The following SLC43A2 variants were observed in gnomAD, a reference collection of about 807,000 sequenced individuals.
SLC43A2 encodes solute carrier family 43 member 2.
Under a neutral mutation model 63.2 loss-of-function variants are expected in SLC43A2, and 38 were observed. That is an observed-to-expected ratio of 0.60 (90% confidence interval 0.46 to 0.79). The LOEUF (loss-of-function observed/expected upper bound fraction) is 0.79. Ranked by LOEUF, SLC43A2 falls within the 30% of genes least tolerant of loss-of-function variation. SLC43A2 has a pLI of 0.00. For missense variants in SLC43A2, 644 were observed against 756.2 expected, an observed-to-expected ratio of 0.85 and a Z score of 1.74; for synonymous variants, 322 against 331.0, an observed-to-expected ratio of 0.97 and a Z score of 0.30.
intron 13 of SLC43A2, 141 bp from the exon 14 acceptor site, chr17:1,575,906 T>C (rs1275181773): frequency 5.1e-6 from 5 of 974,562 alleles, no homozygotes; most frequent in South Asian, 1.7e-5. Flanking sequence ...CGAGGTCCCA[T>C]ATGCCAGCGT....
At chr17:1,604,172 C>T (rs1435931773) in intron 5 of SLC43A2, among the ~76,000 whole-genome samples, 1 of 138,432 alleles carries the variant, frequency 7.2e-6, no homozygotes, top group Non-Finnish European at 1.6e-5. Context: ...TCCCGAGTAG[C>T]TGGGATTACA....
At chr17:1,617,345 C>T (rs547655781) in intron 2 of SLC43A2, among the ~76,000 whole-genome samples, 112 of 152,330 alleles carry the variant, frequency 7.4e-4, no homozygotes, top group Middle Eastern at 6.8e-3. Context: ...AGTCCAGCTG[C>T]CTTCTCAAAC....
chr17:1,629,981 T>G (rs1232049310), upstream of SLC43A2, among the ~76,000 whole-genome samples: 1 of 152,186 alleles, frequency 6.6e-6, no homozygotes, highest in Non-Finnish European at 1.5e-5. Flanking sequence ...TGTCCACGTC[T>G]GGAATCCCAG....
intron 5 of SLC43A2, among the ~76,000 whole-genome samples, chr17:1,603,409 T>C (rs976274181): frequency 6.6e-6 from 1 of 152,080 alleles, no homozygotes; most frequent in African/African-American, 2.4e-5. Flanking sequence ...TTCAGAGAGG[T>C]TTCATTTGAC....
intron 13 of SLC43A2, 82 bp downstream of exon 13, chr17:1,576,515 A>G: frequency 6.8e-7 from 1 of 1,460,256 alleles, no homozygotes; most frequent in East Asian, 2.3e-5. Flanking sequence ...GGGGCCCTGA[A>G]GCCCCCGAGG....
At chr17:1,576,836 T>C in intron 12 of SLC43A2, 116 bp from the exon 13 acceptor site, 1 of 1,255,878 alleles carries the variant, frequency 8.0e-7, no homozygotes, top group Non-Finnish European at 1.1e-6. Context: ...GTGCCAGCCC[T>C]CGGATTCCTT....
chr17:1,622,064 A>G (rs917035197), intron 2 of SLC43A2, among the ~76,000 whole-genome samples: 5 of 152,334 alleles, frequency 3.3e-5, no homozygotes, highest in Admixed American at 2.6e-4. Flanking sequence ...TGTGAGGGAA[A>G]TGAGGTCACG....
At position 1,620,877 on chromosome 17, in the gene SLC43A2, G is replaced by A. The variant is rs1178906389; in HGVS notation, c.161-4108C>T. On this transcript the variant is annotated intron_variant, in intron 2 of 13. Transcript: ENST00000301335. ...TTAAGCACCCAGGAAGTGCCAAGGC[G>A]TGGGGTGGCCCTCTGCTCCCAGCCT... Among the ~76,000 whole-genome samples, 6 of 152,216 alleles carry A rather than the reference G, an allele frequency of 3.9e-5. No individual in the cohort carries two copies. In the East Asian group the frequency reaches 5.8e-4, roughly 15 times the overall value.
At position 1,616,584 on chromosome 17, in the gene SLC43A2, T is replaced by G. The variant is rs1249629620; in HGVS notation, c.346A>C (p.Arg116=). 1 of 1,613,186 alleles carries G rather than the reference T, an allele frequency of 6.2e-7. No homozygotes were observed. Among genetic ancestry groups the G allele is most frequent in the South Asian group, 1.1e-5 (1 of 90,892 alleles). ...LGIVMDKYGP[R]KLRLLGSACF... ...GACCTGCCCAGCAGCCTGAGCTTCC[T>G]CGGGCCATACTTGTCCATGACGATA... is the stretch of plus-strand genomic sequence containing the variant. The change falls in exon 3 of 14, where the codon AGG becomes CGG. Residue 116 remains arginine, a synonymous_variant. Coordinates refer to ENST00000301335, the MANE Select transcript of SLC43A2 (RefSeq NM_152346.3).
At chr17:1,619,364 A>T (rs1009192780) in intron 2 of SLC43A2, among the ~76,000 whole-genome samples, 1 of 152,200 alleles carries the variant, frequency 6.6e-6, no homozygotes, top group East Asian at 1.9e-4. Flanking sequence ...GGCCAAAAAG[A>T]TCGAGAGAGG....
Position 1,615,033 on chromosome 17 carries a change from C to A in SLC43A2, c.370G>T (p.Ala124Ser). Residue 124 changes from alanine to serine, a missense_variant and splice_region_variant, in exon 4 of 14, where the codon GCC becomes TCC. Physicochemically the swap from Ala to Ser is moderately conservative, Grantham distance 99. This residue lies in a region of SLC43A2 where 528 missense variants were observed against 623.6 expected (regional missense o/e 0.85). Coordinates refer to ENST00000301335, the MANE Select transcript of SLC43A2 (RefSeq NM_152346.3). ...AGCAAGCAGGAAACCGCGAAGCAGG[C>A]GCTAAAACCAAGCAGAAACGCAATG... ...GPRKLRLLGS[A>S]CFAVSCLLIA... is the part of the protein sequence containing the mutation. 4 of 1,613,908 alleles carry A rather than the reference C, an allele frequency of 2.5e-6. No homozygotes were observed. Among genetic ancestry groups the A allele is most frequent in the Non-Finnish European group, 3.4e-6 (4 of 1,179,930 alleles).
intron 2 of SLC43A2, among the ~76,000 whole-genome samples, chr17:1,623,443 C>T (rs1454887734): frequency 3.3e-5 from 5 of 152,172 alleles, no homozygotes; most frequent in African/African-American, 1.2e-4. Flanking sequence ...CCCAAACATA[C>T]CAGCATGTGG....
intron 9 of SLC43A2, among the ~76,000 whole-genome samples, chr17:1,588,128 G>A (rs933964381): frequency 3.3e-5 from 5 of 152,256 alleles, no homozygotes; most frequent in African/African-American, 7.2e-5. Flanking sequence ...GCTGGGCATC[G>A]TGGCTCACGC....
intron 5 of SLC43A2, among the ~76,000 whole-genome samples, chr17:1,602,765 T>G (rs1906178820): frequency 6.7e-6 from 1 of 150,372 alleles, no homozygotes; most frequent in African/African-American, 2.4e-5. Context: ...TCAGTTTTTT[T>G]TTTTTTTTTT....
intron 5 of SLC43A2, among the ~76,000 whole-genome samples, chr17:1,600,135 A>AATATATATATAT (rs546467041): frequency 1.7e-3 from 80 of 47,912 alleles, no homozygotes; most frequent in South Asian, 3.9e-3. Context: ...ATATTAATTG[A>AATATATATATAT]ATATATATAT....
In SLC43A2 at chr17:1,621,199, G is replaced by A. The variant is rs1438459065; in HGVS notation, c.161-4430C>T. Among the ~76,000 whole-genome samples the A allele has an allele frequency of 2.0e-5, 3 of 152,160 alleles. No individual in the cohort carries two copies. The South Asian group carries it at 6.2e-4, about 32-fold the overall frequency. ...ACAGAGGAATCAGGGAGAAAAGAGG[G>A]TGCTGTGGCCCCCCAGGCTCCCCTG... On this transcript the variant is annotated intron_variant, in intron 2 of 13. Coordinates refer to ENST00000301335, the MANE Select transcript of SLC43A2 (RefSeq NM_152346.3).
chr17:1,614,281 C>T (rs1479394842), intron 4 of SLC43A2, among the ~76,000 whole-genome samples: 3 of 151,704 alleles, frequency 2.0e-5, no homozygotes, highest in South Asian at 2.1e-4. Context: ...TGTGTGTGTG[C>T]GTGCCTGTAG....
chr17:1,616,471 T>C (rs1598489242), intron 3 of SLC43A2, 91 bp downstream of exon 3: 2 of 1,278,226 alleles, frequency 1.6e-6, no homozygotes, highest in Non-Finnish European at 2.2e-6. Context: ...GTACACCTGA[T>C]ATCAGGTACG....
At chr17:1,618,624 G>A (rs2151077883) in intron 2 of SLC43A2, among the ~76,000 whole-genome samples, 1 of 152,356 alleles carries the variant, frequency 6.6e-6, no homozygotes, top group African/African-American at 2.4e-5. Context: ...GGCCTGCACT[G>A]TGGTCACTTC....
Sources: allele counts gnomAD v4.1 joint callset (sites outside exome capture counted in the v4.1 genomes callset), GRCh38; gene constraint gnomAD v4.1.1; regional missense constraint gnomAD v4.1.1; transcripts MANE v1.5; gene names NCBI Gene and HGNC (gene_info 2026-07-23, HGNC 2026-07-21).